BCKDHB: variants seen among roughly 807,000 people sequenced by gnomAD.
BCKDHB encodes the protein 2-oxoisovalerate dehydrogenase subunit beta, mitochondrial.
Under a neutral mutation model 48.5 loss-of-function variants are expected in BCKDHB, and 41 were observed. That is an observed-to-expected ratio of 0.85 (90% confidence interval 0.66 to 1.10). The LOEUF is 1.10. Among genes scored for constraint, BCKDHB ranks in the 50% least tolerant of loss-of-function variants. The pLI, the probability that BCKDHB is intolerant of heterozygous loss-of-function variation, is 0.00. For synonymous variants in BCKDHB, 201 were observed against 174.8 expected (o/e 1.15, Z -1.18); for missense variants, 496 against 494.2 (o/e 1.00, Z -0.03).
chr6:80,393,648 AAC>A, the BCKDHB span, among the ~76,000 whole-genome samples: 2 of 152,218 alleles, frequency 1.3e-5, no homozygotes, highest in African/African-American at 2.4e-5. Context: ...GGGCTATGAC[AAC>A]ACCCCATCAG....
chr6:80,277,037 A>G (rs977047065), intron 9 of BCKDHB, among the ~76,000 whole-genome samples: 1 of 149,054 alleles, frequency 6.7e-6, no homozygotes, highest in South Asian at 2.3e-4. Context: ...TTCTTATCTT[A>G]CATTCCCATC....
chr6:80,290,190 C>T (rs1028731351), intron 9 of BCKDHB, among the ~76,000 whole-genome samples: 6 of 147,588 alleles, frequency 4.1e-5, no homozygotes. Flanking sequence ...AGTAAGTAGC[C>T]AAGATCTGTG....
intron 9 of BCKDHB, among the ~76,000 whole-genome samples, chr6:80,300,052 T>C (rs549625956): frequency 2.9e-4 from 44 of 150,208 alleles, no homozygotes; most frequent in Middle Eastern, 6.9e-3. Flanking sequence ...GAGCCACTAG[T>C]CTTTTTTTTT....
the BCKDHB span, among the ~76,000 whole-genome samples, chr6:80,415,617 A>T: frequency 1.3e-5 from 2 of 152,180 alleles, no homozygotes; most frequent in Non-Finnish European, 2.9e-5. Flanking sequence ...CCCAGGGATA[A>T]AGCCTACTTG....
At chr6:80,401,477 T>A in the BCKDHB span, among the ~76,000 whole-genome samples, 5 of 151,828 alleles carry the variant, frequency 3.3e-5, no homozygotes, top group Non-Finnish European at 7.4e-5. Flanking sequence ...CTCTGTGTCC[T>A]CACTGAAATC....
rs3840387 is a variant in BCKDHB at position 80,205,791 on chromosome 6, G to GGTGTGTGTGT, written c.951+2614_951+2623dup. Among the ~76,000 whole-genome samples, 666 of 135,154 alleles carry GGTGTGTGTGT rather than the reference G, an allele frequency of 4.9e-3. 8 individuals are homozygous for GGTGTGTGTGT. The highest frequency in any genetic ancestry group is 0.013 in the African/African-American group (471 of 35,066). 88.7% of individuals were successfully genotyped at this position (135,154 alleles called of 152,430 possible). The stretch of plus-strand genomic sequence containing the variant: ...AGACAGAGACCTACCCTGTGCCATG[G>GGTGTGTGTGT]GTGTGTGTGTGTGTGTGTGTGTGTG... On this transcript the variant is annotated intron_variant, in intron 8 of 9. Transcript: ENST00000320393.
At chr6:80,372,550 A>G in the BCKDHB span, among the ~76,000 whole-genome samples, 6 of 152,002 alleles carry the variant, frequency 3.9e-5, no homozygotes, top group Admixed American at 3.3e-4. Flanking sequence ...AATGCTTTCA[A>G]CTTTTCTCTT....
intron 8 of BCKDHB, among the ~76,000 whole-genome samples, chr6:80,216,086 A>G (rs184929508): frequency 4.5e-4 from 68 of 152,336 alleles, no homozygotes; most frequent in African/African-American, 1.6e-3. Context: ...ATGGTAAATT[A>G]AAAAAGTTAA....
chr6:80,353,587 G>A, the BCKDHB span, among the ~76,000 whole-genome samples: 1,117 of 152,188 alleles, frequency 7.3e-3, 16 homozygotes, highest in African/African-American at 0.025. Context: ...AGGCACAGTG[G>A]CTCACGCCTG....
At chr6:80,301,221 C>G (rs905650652) in intron 9 of BCKDHB, among the ~76,000 whole-genome samples, 2 of 151,520 alleles carry the variant, frequency 1.3e-5, no homozygotes, top group African/African-American at 4.9e-5. Flanking sequence ...ATGCAAAAAT[C>G]CATACAAAAG....
chr6:80,355,272 C>T, the BCKDHB span, among the ~76,000 whole-genome samples: 4,520 of 151,862 alleles, frequency 0.03, 93 homozygotes, highest in South Asian at 0.059. Flanking sequence ...TGGTGGTACA[C>T]GCCTGTAATC....
At chr6:80,439,339 T>C in the BCKDHB span, among the ~76,000 whole-genome samples, 3 of 152,156 alleles carry the variant, frequency 2.0e-5, no homozygotes, top group South Asian at 6.2e-4. Flanking sequence ...AAAGATGGCA[T>C]TTCATAAAGG....
At chr6:80,415,019 G>A in the BCKDHB span, among the ~76,000 whole-genome samples, 1 of 151,438 alleles carries the variant, frequency 6.6e-6, no homozygotes. Context: ...GTGTGTGTGT[G>A]TGTGGCAATT....
chr6:80,391,902 T>C, the BCKDHB span, among the ~76,000 whole-genome samples: 1 of 152,030 alleles, frequency 6.6e-6, no homozygotes, highest in Non-Finnish European at 1.5e-5. Context: ...AGCAGGATCC[T>C]TTTTTTTCTT....
chr6:80,369,807 T>C, the BCKDHB span, among the ~76,000 whole-genome samples: 1 of 152,212 alleles, frequency 6.6e-6, no homozygotes, highest in Non-Finnish European at 1.5e-5. Context: ...TAGAACCCAG[T>C]ATCAACCTTT....
At chr6:80,174,143 G>A (rs1291816165) in intron 6 of BCKDHB, among the ~76,000 whole-genome samples, 1 of 151,962 alleles carries the variant, frequency 6.6e-6, no homozygotes, top group Non-Finnish European at 1.5e-5. Flanking sequence ...AATTTCTTGT[G>A]TACATTTGGG....
intron 9 of BCKDHB, among the ~76,000 whole-genome samples, chr6:80,325,433 A>G (rs1768985354): frequency 6.6e-6 from 1 of 152,236 alleles, no homozygotes; most frequent in African/African-American, 2.4e-5. Flanking sequence ...TTTGTCTGAA[A>G]AATGGAACAA....
the BCKDHB span, among the ~76,000 whole-genome samples, chr6:80,424,597 T>C: frequency 2.0e-5 from 3 of 152,198 alleles, no homozygotes; most frequent in African/African-American, 7.2e-5. Context: ...TTTAATACTA[T>C]TTTTAACCAT....
intron 8 of BCKDHB, among the ~76,000 whole-genome samples, chr6:80,242,746 G>A (rs1470308258): frequency 6.6e-6 from 1 of 152,144 alleles, no homozygotes; most frequent in East Asian, 1.9e-4. Context: ...GAGGAGTGTG[G>A]TGCTGGCTGT....
Sources: allele counts gnomAD v4.1 joint callset (sites outside exome capture counted in the v4.1 genomes callset), GRCh38; gene constraint gnomAD v4.1.1; transcripts MANE v1.5; gene names NCBI Gene and HGNC (gene_info 2026-07-23, HGNC 2026-07-21).